The following TMPRSS15 variants were observed in gnomAD, a reference collection of about 807,000 sequenced individuals.
The protein encoded by TMPRSS15 is transmembrane serine protease 15.
TMPRSS15 carries 128 observed loss-of-function variants against 125.3 expected under a neutral mutation model. The ratio of observed to expected loss-of-function variants is 1.02; its 90% CI spans 0.89 to 1.18. The LOEUF (loss-of-function observed/expected upper bound fraction) is 1.18, where lower values mean the gene tolerates loss of function less well. TMPRSS15 is among the 50% of genes most tolerant of loss of function. TMPRSS15 has a pLI of 0.00. For synonymous variants in TMPRSS15, 446 were observed against 423.2 expected, an observed-to-expected ratio of 1.05 and a Z score of -0.66; for missense variants, 1,283 against 1,212.7, an observed-to-expected ratio of 1.06 and a Z score of -0.86.
chr21:18,278,725 A>C (rs1020399190), intron 23 of TMPRSS15, among the ~76,000 whole-genome samples: 3 of 152,280 alleles, frequency 2.0e-5, no homozygotes, highest in Middle Eastern at 6.8e-3. Flanking sequence ...CCGTCTCAAA[A>C]ACAAACAAAC....
intron 2 of TMPRSS15, 24 bp from the exon 3 acceptor site, chr21:18,397,970 T>C (rs1012832403): frequency 2.2e-6 from 3 of 1,366,248 alleles, no homozygotes; most frequent in South Asian, 1.3e-5. Context: ...AAAGATTGAA[T>C]GAGTATACTA....
At chr21:18,403,423 A>G (rs982010037) in intron 1 of TMPRSS15, 55 bp downstream of exon 1, 2 of 1,610,350 alleles carry the variant, frequency 1.2e-6, no homozygotes, top group East Asian at 4.5e-5. Flanking sequence ...AACTGACACT[A>G]AAGTGTGTAC....
intron 1 of TMPRSS15, among the ~76,000 whole-genome samples, chr21:18,435,491 A>G (rs1175316260): frequency 6.6e-6 from 1 of 152,154 alleles, no homozygotes; most frequent in Non-Finnish European, 1.5e-5. Context: ...CCACTTGTTC[A>G]TGGGGGATAA....
chr21:18,453,523 T>G (rs537790215), intron 1 of TMPRSS15, among the ~76,000 whole-genome samples: 4 of 152,318 alleles, frequency 2.6e-5, no homozygotes, highest in South Asian at 4.1e-4. Flanking sequence ...GGAGAGTCAA[T>G]GATGCAGTTC....
intron 1 of TMPRSS15, among the ~76,000 whole-genome samples, chr21:18,402,674 C>T (rs1601445685): frequency 1.3e-5 from 2 of 151,978 alleles, no homozygotes; most frequent in South Asian, 4.1e-4. Context: ...TAAATTTACC[C>T]TATAAATGAA....
intron 4 of TMPRSS15, among the ~76,000 whole-genome samples, 196 bp from the exon 5 acceptor site, chr21:18,379,514 G>A (rs1203739500): frequency 6.6e-6 from 1 of 152,002 alleles, no homozygotes; most frequent in Non-Finnish European, 1.5e-5. Flanking sequence ...GATTTTTAGA[G>A]TTGTAGCACA....
intron 13 of TMPRSS15, among the ~76,000 whole-genome samples, chr21:18,334,443 G>A (rs1601349867): frequency 6.6e-6 from 1 of 152,172 alleles, no homozygotes. Flanking sequence ...CAATGTATAA[G>A]AGGAGGATTT....
intron 22 of TMPRSS15, among the ~76,000 whole-genome samples, chr21:18,280,575 C>CAAAAAAAAAAAAAAA (rs1230513414): frequency 1.7e-3 from 83 of 48,292 alleles, no homozygotes; most frequent in African/African-American, 2.3e-3. Context: ...GACTCCGTCT[C>CAAAAAAAAAAAAAAA]AAAAAAAAAA....
At chr21:18,291,767 T>G (rs2074838341) in intron 21 of TMPRSS15, among the ~76,000 whole-genome samples, 1 of 151,934 alleles carries the variant, frequency 6.6e-6, no homozygotes, top group South Asian at 2.1e-4. Flanking sequence ...AAAAAATAAT[T>G]CCATTGAATG....
At chr21:18,458,624 T>C (rs1978487783) in intron 1 of TMPRSS15, among the ~76,000 whole-genome samples, 1 of 152,174 alleles carries the variant, frequency 6.6e-6, no homozygotes, top group Non-Finnish European at 1.5e-5. Context: ...AGCCTGTCAC[T>C]AACAATAGAA....
chr21:18,447,559 T>C (rs1054617916), intron 1 of TMPRSS15, among the ~76,000 whole-genome samples: 1 of 152,128 alleles, frequency 6.6e-6, no homozygotes, highest in Non-Finnish European at 1.5e-5. Context: ...ACTGTAGTTC[T>C]GATAATCCCC....
intron 3 of TMPRSS15, 54 bp from the exon 4 acceptor site, chr21:18,383,832 TG>T: frequency 1.9e-6 from 3 of 1,580,748 alleles, no homozygotes; most frequent in Non-Finnish European, 2.6e-6. Context: ...TCCACTGATT[TG>T]TGTTCAATTC....
chr21:18,428,673 A>C (rs1002666024), intron 1 of TMPRSS15, among the ~76,000 whole-genome samples: 1 of 152,144 alleles, frequency 6.6e-6, no homozygotes, highest in Non-Finnish European at 1.5e-5. Flanking sequence ...CTGTGAGTGC[A>C]CAGAAGTCAA....
intron 21 of TMPRSS15, among the ~76,000 whole-genome samples, chr21:18,291,068 C>T (rs1385516699): frequency 6.6e-6 from 1 of 152,210 alleles, no homozygotes; most frequent in Non-Finnish European, 1.5e-5. Flanking sequence ...GGAACTGCAA[C>T]ACAATCAACA....
At chr21:18,353,122 T>C (rs1034709789) in intron 9 of TMPRSS15, 70 bp from the exon 10 acceptor site, 5 of 1,385,554 alleles carry the variant, frequency 3.6e-6, no homozygotes, top group African/African-American at 1.4e-5. Context: ...TTAGATTGTA[T>C]TGAAAATAAT....
intron 18 of TMPRSS15, 54 bp from the exon 19 acceptor site, chr21:18,297,883 C>T (rs2074925405): frequency 7.2e-7 from 1 of 1,380,092 alleles, no homozygotes; most frequent in East Asian, 2.3e-5. Context: ...AAGAAAAGAC[C>T]ATAAGTTAGA....
chr21:18,334,610 A>G (rs1020571124), intron 13 of TMPRSS15, among the ~76,000 whole-genome samples: 1 of 152,184 alleles, frequency 6.6e-6, no homozygotes, highest in Non-Finnish European at 1.5e-5. Flanking sequence ...TTTCAAGGCA[A>G]TCTTGTGGAT....
chr21:18,435,871 T>C (rs1290326413), intron 1 of TMPRSS15, among the ~76,000 whole-genome samples: 1 of 152,196 alleles, frequency 6.6e-6, no homozygotes, highest in African/African-American at 2.4e-5. Context: ...AGAGTGTATG[T>C]GTCGAGGAAT....
intron 18 of TMPRSS15, among the ~76,000 whole-genome samples, chr21:18,312,684 C>T (rs1040455845): frequency 1.3e-5 from 2 of 151,528 alleles, no homozygotes; most frequent in African/African-American, 4.8e-5. Context: ...GAAATGCCCA[C>T]ACATAAGTAT....
Sources: allele counts gnomAD v4.1 joint callset (sites outside exome capture counted in the v4.1 genomes callset), GRCh38; gene constraint gnomAD v4.1.1; transcripts MANE v1.5; gene names NCBI Gene and HGNC (gene_info 2026-07-23, HGNC 2026-07-21).